The following SLC35G3 variants were observed in gnomAD, a reference collection of about 807,000 sequenced individuals.
SLC35G3 encodes acyl-malonyl-condensing enzyme 1.
Under a neutral mutation model 17.9 loss-of-function variants are expected in SLC35G3, and 10 were observed. The observed-to-expected ratio is 0.56, with a 90% confidence interval of 0.34 to 0.95. The LOEUF (loss-of-function observed/expected upper bound fraction) is 0.95, where lower values mean the gene tolerates loss of function less well. Ranked by LOEUF, SLC35G3 falls within the 40% of genes least tolerant of loss-of-function variation. The pLI is 0.02. For missense variants in SLC35G3, 384 were observed against 433.6 expected (o/e 0.89, Z 1.02); for synonymous variants, 208 against 197.7 (o/e 1.05, Z -0.44).
rs954639613 is a variant in SLC35G3, at chr17:35,194,319, C to G, written c.-12G>C. 7 of 1,600,772 alleles carry G rather than the reference C, an allele frequency of 4.4e-6. No homozygotes were observed. In the Admixed American group the frequency reaches 1.0e-4, roughly 23 times the overall value. ...TGACTGCCAGCCATCTTTCCTTGGACTTTCTCCTCTCCTCCTGGCTCAGGG... is the reference window on the plus strand; with the variant it reads ...TGACTGCCAGCCATCTTTCCTTGGAGTTTCTCCTCTCCTCCTGGCTCAGGG... On this transcript the variant is annotated 5_prime_UTR_variant, in exon 1 of 1. Coordinates refer to ENST00000297307, the MANE Select transcript of SLC35G3 (RefSeq NM_152462.2).
In SLC35G3 at chr17:35,193,488, C is replaced by T; in HGVS notation, c.820G>A (p.Val274Ile). ...LVSFTCVGYA[V>I]TKAHPALVCA... ...ACCAGGGCAGGGTGGGCCTTGGTGA[C>T]CGCATAGCCCACACATGTGAAGGAG... Residue 274 changes from valine (V) to isoleucine (I), a missense_variant, in exon 1 of 1, where the codon GTC becomes ATC. Coordinates refer to ENST00000297307, the MANE Select transcript of SLC35G3 (RefSeq NM_152462.2). The T allele has an allele frequency of 6.2e-7, 1 of 1,612,036 alleles. No individual in the cohort carries two copies. Among genetic ancestry groups the T allele is most frequent in the Non-Finnish European group, 8.5e-7 (1 of 1,179,848 alleles).
rs1365753310 is a variant in SLC35G3 at position 35,192,997 on chromosome 17, C to T, written c.*294G>A. On this transcript the variant is annotated 3_prime_UTR_variant, in exon 1 of 1. Coordinates refer to ENST00000297307, the MANE Select transcript of SLC35G3 (RefSeq NM_152462.2). ...CTCTTTGCTGCTGAGTGAAGTCCTC[C>T]CCATGGCCCACGGCCTCCCTGCCTC... The T allele has an allele frequency of 1.1e-5, 6 of 532,096 alleles. No homozygotes were observed. Among genetic ancestry groups the T allele is most frequent in the African/African-American group, 1.9e-5 (1 of 52,398 alleles). The allele number at this position is 532,096 out of a possible 1,614,324, so 33.0% of individuals were successfully genotyped here.
At position 35,194,129 on chromosome 17, in the gene SLC35G3, A is replaced by G. The variant is rs1449825582; in HGVS notation, c.179T>C (p.Met60Thr). 2 of 1,613,786 alleles carry G rather than the reference A, an allele frequency of 1.2e-6. No individual in the cohort carries two copies. Among genetic ancestry groups the G allele is most frequent in the South Asian group, 1.1e-5 (1 of 91,070 alleles). The stretch of plus-strand genomic sequence containing the variant: ...GGGCAGGTTGGAAGCCTGGTAAGCC[A>G]TACGAGAAAGGGGGCCCACGAAGCC... ...PAGFVGPLSR[M>T]AYQASNLPSL... Residue 60 changes from methionine to threonine, a missense_variant, in exon 1 of 1, where the codon ATG (methionine) becomes ACG (threonine). Physicochemically the swap from Met to Thr is moderately conservative, Grantham distance 81. Coordinates refer to ENST00000297307, the MANE Select transcript of SLC35G3 (RefSeq NM_152462.2).
chr17:35,193,865 C>G lies in SLC35G3; in HGVS notation c.443G>C (p.Cys148Ser). 6.2e-7 allele frequency: 1 copy of G among 1,614,026 alleles called. No homozygotes were observed. The highest frequency in any genetic ancestry group is 2.2e-5 in the East Asian group (1 of 44,888). ...GCCACTGAGACCCTGGCTCTCAAGG[C>G]AGAGAGTGAGGACGGCGGAGCAGAC... ...STVCSAVLTLCLESQGLSGYD... is the reference protein window; with the variant it reads ...STVCSAVLTLSLESQGLSGYD... Residue 148 changes from cysteine to serine, a missense_variant, in exon 1 of 1, where the codon TGC becomes TCC. Cys to Ser is a moderately radical substitution (Grantham distance 112). Transcript: ENST00000297307.
rs1439739467 is a variant in SLC35G3 at position 35,192,771 on chromosome 17, T to C, written c.*520A>G. 6.1e-6 allele frequency: 1 copy of C among 164,216 alleles called. No homozygotes were observed. Among genetic ancestry groups the C allele is most frequent in the Non-Finnish European group, 1.3e-5 (1 of 76,874 alleles). The allele number at this position is 164,216 out of a possible 1,614,324, so 10.2% of individuals were successfully genotyped here. A position where few individuals can be genotyped will look rare whatever the true frequency, so the allele number is the denominator to read the frequency against. ...TTTTAAAATGTCATAGAAATGTCTA[T>C]TCAGGTATCTTTTTTTTTTTTTTTC... On this transcript the variant is annotated 3_prime_UTR_variant, in exon 1 of 1. Transcript: ENST00000297307.
chr17:35,194,088 T>C lies in SLC35G3; in HGVS notation c.220A>G (p.Ile74Val). ...GGGAGGTGGAAGAGGCATCGCCAGATGAGCAGCTCCAGCGAGGGCAGGTTG... is the reference window on the plus strand; with the variant it reads ...GGGAGGTGGAAGAGGCATCGCCAGACGAGCAGCTCCAGCGAGGGCAGGTTG... Reference protein sequence around the residue: ...ASNLPSLELLIWRCLFHLPIA... With the variant: ...ASNLPSLELLVWRCLFHLPIA... Residue 74 changes from isoleucine to valine, a missense_variant, in exon 1 of 1, where the codon ATC becomes GTC. Ile to Val is a conservative substitution (Grantham distance 29). Coordinates refer to ENST00000297307, the MANE Select transcript of SLC35G3 (RefSeq NM_152462.2). 2 of 1,613,946 alleles carry C rather than the reference T, an allele frequency of 1.2e-6. No individual in the cohort carries two copies. The highest frequency in any genetic ancestry group is 1.7e-6 in the Non-Finnish European group (2 of 1,179,848).
Position 35,194,007 on chromosome 17 carries a change from G to T in SLC35G3, c.301C>A (p.Arg101=), listed in dbSNP as rs762545351. The part of the protein sequence containing the change: ...GDPLLGTPDI[R]SRAFFCALLN... ...AGGGCACAGAAGAAGGCCCGGCTTC[G>T]GATGTCAGGAGTTCCCAGAAGGGGG... The change falls in exon 1 of 1, where the codon CGA becomes AGA. Residue 101 remains arginine (R), a synonymous_variant. Coordinates refer to ENST00000297307, the MANE Select transcript of SLC35G3 (RefSeq NM_152462.2). 1.9e-6 allele frequency: 3 copies of T among 1,614,036 alleles called. No homozygotes were observed. The highest frequency in any genetic ancestry group is 2.2e-5 in the East Asian group (1 of 44,890).
rs745332949 is a variant in SLC35G3 at position 35,193,723 on chromosome 17, C to T, written c.585G>A (p.Glu195=). The T allele has an allele frequency of 1.2e-6, 2 of 1,612,140 alleles. No individual in the cohort carries two copies. The highest frequency in any genetic ancestry group is 2.2e-5 in the East Asian group (1 of 44,886). The change falls in exon 1 of 1, where the codon GAG becomes GAA. Residue 195 remains glutamate, a synonymous_variant. Transcript: ENST00000297307. ...ACAGCGCCAGGCCTCCCAGGAAAGCCTCCACATAGCCCAGGGCGGTGTAGA... is the reference window on the plus strand; with the variant it reads ...ACAGCGCCAGGCCTCCCAGGAAAGCTTCCACATAGCCCAGGGCGGTGTAGA... The part of the protein sequence containing the change: ...TGVYTALGYV[E]AFLGGLALSL...
rs2092333033 is a variant in SLC35G3, at chr17:35,193,173, A to G, written c.*118T>C. The G allele has an allele frequency of 2.0e-6, 3 of 1,534,628 alleles. No homozygotes were observed. Among genetic ancestry groups the G allele is most frequent in the Non-Finnish European group, 2.6e-6 (3 of 1,134,788 alleles). ...AGTCCCCAAGTCACCCTTGACTCTG[A>G]GAGGTATCCCTCTCCCACACCAGTT... On this transcript the variant is annotated 3_prime_UTR_variant, in exon 1 of 1. Transcript: ENST00000297307.
chr17:35,193,887 A>G lies in SLC35G3; in HGVS notation c.421T>C (p.Cys141Arg), dbSNP rs760662974. Residue 141 changes from cysteine (C) to arginine (R), a missense_variant, in exon 1 of 1, where the codon TGC becomes CGC. Physicochemically the swap from Cys to Arg is radical, Grantham distance 180. Coordinates refer to ENST00000297307, the MANE Select transcript of SLC35G3 (RefSeq NM_152462.2). ...AGGCAGAGAGTGAGGACGGCGGAGC[A>G]GACGGTGGAAGAACCTTTGCGAACA... ...ATVRKGSSTV[C>R]SAVLTLCLES... 15 of 1,614,020 alleles carry G rather than the reference A, an allele frequency of 9.3e-6. No individual in the cohort carries two copies. Among genetic ancestry groups the G allele is most frequent in the Non-Finnish European group, 1.2e-5 (14 of 1,179,866 alleles).
Position 35,193,405 on chromosome 17 carries a change from G to A in SLC35G3, c.903C>T (p.Leu301=), listed in dbSNP as rs1234449474. ...VVALILQYYM[L]HETVAPSDIV... ...TGTCAGAAGGTGCCACAGTCTCATG[G>A]AGCATATAATACTGCAGTATAAGGG... Residue 301 remains leucine, a synonymous_variant, in exon 1 of 1, where the codon CTC becomes CTT. Transcript: ENST00000297307. The A allele has an allele frequency of 6.2e-7, 1 of 1,611,988 alleles. No individual in the cohort carries two copies. The highest frequency in any genetic ancestry group is 1.7e-5 in the Admixed American group (1 of 60,010).
rs2092332876 is a variant in SLC35G3, at chr17:35,193,110, G to A, written c.*181C>T. ...CTGGACTCCACATCCCTTGGTCCCAGGCTGGCCCCAGGTCTTCCACGTAGT... is the reference window on the plus strand; with the variant it reads ...CTGGACTCCACATCCCTTGGTCCCAAGCTGGCCCCAGGTCTTCCACGTAGT... On this transcript the variant is annotated 3_prime_UTR_variant, in exon 1 of 1. Transcript: ENST00000297307. 3 of 1,184,970 alleles carry A rather than the reference G, an allele frequency of 2.5e-6. No individual in the cohort carries two copies. In the South Asian group the frequency reaches 4.5e-5, roughly 18 times the overall value. 73.4% of individuals were successfully genotyped at this position (1,184,970 alleles called of 1,614,324 possible).
Position 35,194,362 on chromosome 17 carries a change from G to A in SLC35G3, c.-55C>T. 4.5e-6 allele frequency: 7 copies of A among 1,556,824 alleles called. No homozygotes were observed. Among genetic ancestry groups the A allele is most frequent in the Non-Finnish European group, 6.1e-6 (7 of 1,156,820 alleles). On this transcript the variant is annotated 5_prime_UTR_variant, in exon 1 of 1. Coordinates refer to ENST00000297307, the MANE Select transcript of SLC35G3 (RefSeq NM_152462.2). The stretch of plus-strand genomic sequence containing the variant: ...GCTCAGGGAGCCTGGGCCCCTCAGA[G>A]CTCCAGCCATTGTGACCTCATTGGA...
In SLC35G3 at chr17:35,193,660, G is replaced by T. The variant is rs1299683694; in HGVS notation, c.648C>A (p.Pro216=). ...RLLVYRSLHF[P]PCLPTVAFLS... ...GGAAGGCCACTGTTGGGAGGCAGGG[G>T]GGAAAGTGCAGAGAACGATAGACCA... The change falls in exon 1 of 1, where the codon CCC becomes CCA. Residue 216 remains proline (P), a synonymous_variant. Coordinates refer to ENST00000297307, the MANE Select transcript of SLC35G3 (RefSeq NM_152462.2). 7.4e-6 allele frequency: 12 copies of T among 1,612,050 alleles called. No individual in the cohort carries two copies. Among genetic ancestry groups the T allele is most frequent in the Non-Finnish European group, 1.0e-5 (12 of 1,179,864 alleles).
chr17:35,193,349 A>T lies in SLC35G3; in HGVS notation c.959T>A (p.Ile320Asn). The change falls in exon 1 of 1, where the codon ATT becomes AAT. Residue 320 changes from isoleucine (I) to asparagine (N), a missense_variant. By Grantham distance (149) the Ile-to-Asn change is moderately radical (BLOSUM62 -3). Coordinates refer to ENST00000297307, the MANE Select transcript of SLC35G3 (RefSeq NM_152462.2). ...IVAAGVVLGS[I>N]AIITAQNLSC... Reference sequence around the variant, plus strand: ...GAGGTTCTGGGCTGTAATGATGGCAATGCTGCCCAGCACAACCCCTGCCGC... The same window carrying T: ...GAGGTTCTGGGCTGTAATGATGGCATTGCTGCCCAGCACAACCCCTGCCGC... 7 of 1,611,942 alleles carry T rather than the reference A, an allele frequency of 4.3e-6. No homozygotes were observed. The highest frequency in any genetic ancestry group is 5.9e-6 in the Non-Finnish European group (7 of 1,179,848).
In SLC35G3 at chr17:35,193,433, A is replaced by C; in HGVS notation, c.875T>G (p.Val292Gly). The C allele has an allele frequency of 6.2e-7, 1 of 1,612,056 alleles. No homozygotes were observed. The highest frequency in any genetic ancestry group is 1.1e-5 in the South Asian group (1 of 90,992). The change falls in exon 1 of 1, where the codon GTG (valine) becomes GGG (glycine). Residue 292 changes from valine (V) to glycine (G), a missense_variant. Coordinates refer to ENST00000297307, the MANE Select transcript of SLC35G3 (RefSeq NM_152462.2). The part of the protein sequence containing the change: ...VCAVLHSEVV[V>G]ALILQYYMLH... ...CATATAATACTGCAGTATAAGGGCC[A>C]CAACCACCTCGGAATGTAGGACAGC... is the stretch of plus-strand genomic sequence containing the variant.
chr17:35,193,773 T>A lies in SLC35G3; in HGVS notation c.535A>T (p.Thr179Ser). 6.2e-7 allele frequency: 1 copy of A among 1,606,488 alleles called. No individual in the cohort carries two copies. The highest frequency in any genetic ancestry group is 1.1e-5 in the South Asian group (1 of 90,980). The change falls in exon 1 of 1, where the codon ACA becomes TCA. Residue 179 changes from threonine (T) to serine (S), a missense_variant. Transcript: ENST00000297307. ...ACACCCGTGGTCCCCTCCTGTAGTG[T>A]CCAGAGTCCAGGTCCCACAATGATG... ...LIIIVGPGLW[T>S]LQEGTTGVYT...
rs751912267 is a variant in SLC35G3 at position 35,193,954 on chromosome 17, G to A, written c.354C>T (p.Ala118=). 2 of 1,614,034 alleles carry A rather than the reference G, an allele frequency of 1.2e-6. No individual in the cohort carries two copies. Among genetic ancestry groups the A allele is most frequent in the South Asian group, 2.2e-5 (2 of 91,078 alleles). ...ALLNILSIGC[A]YSAVQVVPAG... ...CGGGCACCACCTGAACCGCACTGTAGGCACATCCAATGCTGAGGATGTTGA... is the reference window on the plus strand; with the variant it reads ...CGGGCACCACCTGAACCGCACTGTAAGCACATCCAATGCTGAGGATGTTGA... The change falls in exon 1 of 1, where the codon GCC becomes GCT. Residue 118 remains alanine (A), a synonymous_variant. Transcript: ENST00000297307.
chr17:35,194,262 G>A lies in SLC35G3; in HGVS notation c.46C>T (p.Pro16Ser), dbSNP rs1399613710. The change falls in exon 1 of 1, where the codon CCA becomes TCA. Residue 16 changes from proline to serine, a missense_variant. Coordinates refer to ENST00000297307, the MANE Select transcript of SLC35G3 (RefSeq NM_152462.2). ...CTGGGTGGAGCGGAGGGCGGCGATG[G>A]GTGTGTGGAGTCAGGCTGGTTGAAA... ...PYFNQPDSTH[P>S]SPPSAPPSLR... 5 of 1,612,962 alleles carry A rather than the reference G, an allele frequency of 3.1e-6. No individual in the cohort carries two copies. The highest frequency in any genetic ancestry group is 2.2e-5 in the East Asian group (1 of 44,848).
Sources: gnomAD v4.1 joint callset for allele counts on GRCh38, gnomAD v4.1.1 for gene constraint, MANE v1.5 for transcripts, NCBI Gene and HGNC (gene_info 2026-07-23, HGNC 2026-07-21) for gene names.